The following DSCAM variants were observed in gnomAD, a reference collection of about 807,000 sequenced individuals.
The protein encoded by DSCAM is cell adhesion molecule DSCAM.
DSCAM carries 47 observed loss-of-function variants against 217.7 expected under a neutral mutation model. That is an observed-to-expected ratio of 0.22 (90% CI 0.17 to 0.28). The LOEUF (loss-of-function observed/expected upper bound fraction) is 0.28. Ranked by LOEUF, DSCAM falls within the 10% of genes least tolerant of loss-of-function variation. DSCAM has a pLI of 1.00. For missense variants in DSCAM, 2,080 were observed against 2,618.3 expected (o/e 0.79, Z 4.49); for synonymous variants, 1,056 against 1,015.3 (o/e 1.04, Z -0.76).
intron 3 of DSCAM, among the ~76,000 whole-genome samples, chr21:40,412,970 T>C (rs2075337156): frequency 1.3e-5 from 2 of 152,204 alleles, no homozygotes; most frequent in South Asian, 2.1e-4. Flanking sequence ...GGGACCAACA[T>C]AGAGCTCAGG....
chr21:40,083,819 C>T, intron 24 of DSCAM, 89 bp downstream of exon 24: 1 of 993,860 alleles, frequency 1.0e-6, no homozygotes, highest in Non-Finnish European at 1.5e-6. Context: ...TAAAGTAACA[C>T]ATACCAGTCA....
At chr21:40,839,846 G>A (rs543560745) in intron 1 of DSCAM, among the ~76,000 whole-genome samples, 1 of 151,930 alleles carries the variant, frequency 6.6e-6, no homozygotes, top group East Asian at 1.9e-4. Context: ...AAATAACTAG[G>A]GATACAGGCA....
At chr21:40,182,645 G>C (rs1272066334) in intron 14 of DSCAM, among the ~76,000 whole-genome samples, 10 of 126,998 alleles carry the variant, frequency 7.9e-5, no homozygotes, top group East Asian at 2.4e-4. Context: ...GTGGACAGGA[G>C]GGGGTTACCA....
intron 4 of DSCAM, among the ~76,000 whole-genome samples, chr21:40,367,727 T>C (rs981700858): frequency 2.0e-5 from 3 of 152,210 alleles, no homozygotes; most frequent in South Asian, 4.1e-4. Context: ...CACCTCCCTG[T>C]CTTCATCTAT....
At chr21:40,793,484 GTTTTA>G (rs575550687) in intron 1 of DSCAM, among the ~76,000 whole-genome samples, 230 of 152,200 alleles carry the variant, frequency 1.5e-3, no homozygotes, top group African/African-American at 3.4e-3. Flanking sequence ...TTGTTCTGGT[GTTTTA>G]TTTTATTATT....
chr21:40,791,304 A>G (rs1481359814), intron 1 of DSCAM, among the ~76,000 whole-genome samples: 1 of 151,940 alleles, frequency 6.6e-6, no homozygotes, highest in African/African-American at 2.4e-5. Flanking sequence ...AGCGTGCAAC[A>G]CTGACAATAT....
intron 3 of DSCAM, among the ~76,000 whole-genome samples, chr21:40,475,526 T>C (rs1262155650): frequency 6.6e-6 from 1 of 152,222 alleles, no homozygotes; most frequent in Non-Finnish European, 1.5e-5. Context: ...AATGTGTTCA[T>C]TCACGAAAGT....
chr21:40,772,610 C>T (rs2091454764), intron 1 of DSCAM, among the ~76,000 whole-genome samples: 1 of 152,214 alleles, frequency 6.6e-6, no homozygotes. Context: ...AGGAGCCCTG[C>T]CCATGTCCAA....
intron 3 of DSCAM, among the ~76,000 whole-genome samples, chr21:40,486,072 A>G (rs1349295126): frequency 6.6e-6 from 1 of 152,198 alleles, no homozygotes; most frequent in African/African-American, 2.4e-5. Context: ...CTAATATTCA[A>G]ATTACACATC....
chr21:40,522,624 T>G (rs1387782165), intron 3 of DSCAM, among the ~76,000 whole-genome samples: 1 of 152,202 alleles, frequency 6.6e-6, no homozygotes, highest in East Asian at 1.9e-4. Context: ...GGATACATAT[T>G]TTTTTCCTTG....
At chr21:40,318,850 T>G (rs2074229310) in intron 8 of DSCAM, among the ~76,000 whole-genome samples, 1 of 152,058 alleles carries the variant, frequency 6.6e-6, no homozygotes, top group South Asian at 2.1e-4. Context: ...CCCCGCGGGG[T>G]TCAATATGAG....
chr21:40,189,979 C>T (rs1247837699), intron 11 of DSCAM, among the ~76,000 whole-genome samples: 2 of 152,170 alleles, frequency 1.3e-5, no homozygotes, highest in East Asian at 1.9e-4. Flanking sequence ...TTAGGTGAAT[C>T]CCTTGTTGCT....
At chr21:40,266,635 T>TTATATATATATATATATATATATATA (rs71186923) in intron 11 of DSCAM, among the ~76,000 whole-genome samples, 1 of 62,628 alleles carries the variant, frequency 1.6e-5, no homozygotes. Context: ...CAAAGATGTT[T>TTATATATATATATATATATATATATA]TATATATATA....
chr21:40,480,455 A>G (rs988007969), intron 3 of DSCAM, among the ~76,000 whole-genome samples: 1 of 152,216 alleles, frequency 6.6e-6, no homozygotes, highest in Non-Finnish European at 1.5e-5. Flanking sequence ...CACACACATT[A>G]AGTTCTATGC....
At chr21:40,440,243 A>T (rs2075619159) in intron 3 of DSCAM, among the ~76,000 whole-genome samples, 1 of 152,198 alleles carries the variant, frequency 6.6e-6, no homozygotes, top group Non-Finnish European at 1.5e-5. Context: ...GACAGTATAG[A>T]AGAAGGGTAA....
At chr21:40,259,774 C>T (rs548219359) in intron 11 of DSCAM, among the ~76,000 whole-genome samples, 39 of 143,398 alleles carry the variant, frequency 2.7e-4, no homozygotes, top group African/African-American at 8.6e-4. Context: ...CCCAGGTTCA[C>T]GCTATTCTCC....
chr21:40,364,127 T>A (rs936807457), intron 4 of DSCAM, among the ~76,000 whole-genome samples: 3 of 152,186 alleles, frequency 2.0e-5, no homozygotes, highest in Admixed American at 6.6e-5. Context: ...TGGCGATTCC[T>A]CAGGGATCGA....
chr21:40,721,682 G>C (rs2090902302), intron 1 of DSCAM, among the ~76,000 whole-genome samples: 1 of 152,014 alleles, frequency 6.6e-6, no homozygotes, highest in Admixed American at 6.6e-5. Context: ...GGTGAGATGT[G>C]GGCCAATATC....
At chr21:40,517,802 G>A (rs567894809) in intron 3 of DSCAM, among the ~76,000 whole-genome samples, 9 of 152,250 alleles carry the variant, frequency 5.9e-5, no homozygotes, top group Admixed American at 3.9e-4. Flanking sequence ...AACTCTTGAG[G>A]TGGCAGGAGG....
Sources: allele counts gnomAD v4.1 joint callset (sites outside exome capture counted in the v4.1 genomes callset), GRCh38; gene constraint gnomAD v4.1.1; transcripts MANE v1.5; gene names NCBI Gene and HGNC (gene_info 2026-07-23, HGNC 2026-07-21).